Variants in MAGI2 observed in about 807,000 individuals in gnomAD.
MAGI2 encodes the protein membrane associated guanylate kinase, WW and PDZ domain containing 2.
A neutral mutation model predicts 133.3 loss-of-function variants in MAGI2; 35 were observed. That is an observed-to-expected ratio of 0.26 (90% CI 0.20 to 0.35). The LOEUF (loss-of-function observed/expected upper bound fraction) is 0.35, where lower values mean the gene tolerates loss of function less well. MAGI2 is among the 10% of genes least tolerant of loss of function. The pLI is 1.00. For missense variants in MAGI2, 1,636 were observed against 1,863.4 expected (o/e 0.88, Z 2.25); for synonymous variants, 729 against 710.6 (o/e 1.03, Z -0.41).
chr7:78,604,659 A>G (rs1805607404), intron 3 of MAGI2, among the ~76,000 whole-genome samples: 1 of 152,248 alleles, frequency 6.6e-6, no homozygotes, highest in Admixed American at 6.5e-5. Flanking sequence ...TAAGTAGAAC[A>G]TAAGTTGGTT....
intron 1 of MAGI2, among the ~76,000 whole-genome samples, chr7:79,382,464 G>C (rs1204587977): frequency 1.3e-5 from 2 of 151,470 alleles, no homozygotes; most frequent in African/African-American, 4.8e-5. Context: ...TACCCAACTT[G>C]GGGTTAAGCC....
intron 21 of MAGI2, chr7:78,073,051 T>C: frequency 2.5e-6 from 1 of 397,988 alleles, no homozygotes. Flanking sequence ...TGCTCTAATA[T>C]AATTGTTGTA....
rs115983004 is a variant in MAGI2, at chr7:78,816,014, T to C, written c.419-188775A>G. On this transcript the variant is annotated intron_variant, in intron 2 of 21. Coordinates refer to ENST00000354212, the MANE Select transcript of MAGI2 (RefSeq NM_012301.4). ...CTGCAGGCTTCTTGCACCACATAGT[T>C]AGCCAAGTTGTGAATGCAAAGGAAA... Among the ~76,000 whole-genome samples the C allele has an allele frequency of 3.0e-3, 457 of 152,286 alleles. 2 individuals carry two copies. Among genetic ancestry groups the C allele is most frequent in the African/African-American group, 0.01 (433 of 41,562 alleles).
chr7:78,653,462 G>A (rs1259190597), intron 2 of MAGI2, among the ~76,000 whole-genome samples: 1 of 152,126 alleles, frequency 6.6e-6, no homozygotes, highest in South Asian at 2.1e-4. Context: ...ACATAGAAAA[G>A]GATGAGTTCA....
At chr7:78,734,989 A>G (rs1372992426) in intron 2 of MAGI2, among the ~76,000 whole-genome samples, 1 of 152,124 alleles carries the variant, frequency 6.6e-6, no homozygotes. Flanking sequence ...CTGATACATA[A>G]CTTTTCTGTG....
chr7:78,894,828 C>T (rs535708511), intron 2 of MAGI2, among the ~76,000 whole-genome samples: 70 of 152,260 alleles, frequency 4.6e-4, no homozygotes, highest in Non-Finnish European at 4.4e-5. Flanking sequence ...TTTTTCTCTG[C>T]ATTACTGTTT....
chr7:78,187,889 T>G (rs1227396109), intron 12 of MAGI2, among the ~76,000 whole-genome samples: 3 of 152,180 alleles, frequency 2.0e-5, no homozygotes, highest in Non-Finnish European at 2.9e-5. Context: ...AATTCATGAA[T>G]ATACATTGGG....
chr7:78,633,722 A>C (rs1027019863), intron 2 of MAGI2, among the ~76,000 whole-genome samples: 8 of 151,768 alleles, frequency 5.3e-5, no homozygotes, highest in Non-Finnish European at 1.2e-4. Flanking sequence ...AAAAAAAAAA[A>C]AAAAGTGAGA....
intron 1 of MAGI2, among the ~76,000 whole-genome samples, chr7:79,150,046 G>T (rs1327966178): frequency 6.6e-6 from 1 of 152,108 alleles, no homozygotes; most frequent in Non-Finnish European, 1.5e-5. Context: ...ATGAGCTGAA[G>T]TTAACTAGCC....
intron 3 of MAGI2, among the ~76,000 whole-genome samples, chr7:78,550,310 G>C (rs899890828): frequency 6.6e-6 from 1 of 152,020 alleles, no homozygotes; most frequent in Non-Finnish European, 1.5e-5. Context: ...TTTTATAAGA[G>C]AATCAATCCT....
Position 78,224,328 on chromosome 7 carries a change from C to T in MAGI2, c.2048-23135G>A, listed in dbSNP as rs1038232280. 6.6e-5 allele frequency among the ~76,000 whole-genome samples: 10 copies of T among 152,286 alleles called. No individual in the cohort carries two copies. The South Asian group carries it at 1.9e-3, about 28-fold the overall frequency. On this transcript the variant is annotated intron_variant, in intron 10 of 21. Transcript: ENST00000354212. ...TTGTGTGGGAAAAAAGCTCTCCACTCGTTAGTCTTCGTACTCACTTAGTTT... is the reference window on the plus strand; with the variant it reads ...TTGTGTGGGAAAAAAGCTCTCCACTTGTTAGTCTTCGTACTCACTTAGTTT...
chr7:78,322,950 T>C (rs1425976820), intron 9 of MAGI2, among the ~76,000 whole-genome samples: 1 of 151,968 alleles, frequency 6.6e-6, no homozygotes, highest in Non-Finnish European at 1.5e-5. Context: ...CTTGTTATCT[T>C]ATAACTGACT....
intron 2 of MAGI2, among the ~76,000 whole-genome samples, chr7:78,894,119 T>C (rs1375683376): frequency 2.0e-5 from 3 of 152,158 alleles, no homozygotes; most frequent in Non-Finnish European, 4.4e-5. Context: ...CTGTTATTCT[T>C]GGCCGGGCGC....
chr7:78,430,322 T>A (rs1418782218), intron 6 of MAGI2, among the ~76,000 whole-genome samples: 1 of 147,864 alleles, frequency 6.8e-6, no homozygotes, highest in African/African-American at 2.5e-5. Flanking sequence ...AAAGCCTGCA[T>A]GTAAATATGC....
At chr7:78,184,136 G>A (rs1394340251) in intron 13 of MAGI2, among the ~76,000 whole-genome samples, 4 of 152,074 alleles carry the variant, frequency 2.6e-5, no homozygotes, top group Non-Finnish European at 4.4e-5. Flanking sequence ...TTCAGAATCT[G>A]AGATTTTTAA....
chr7:78,298,075 G>C (rs576043110), intron 9 of MAGI2, among the ~76,000 whole-genome samples: 126 of 152,040 alleles, frequency 8.3e-4, no homozygotes, highest in Non-Finnish European at 1.5e-3. Flanking sequence ...ATGATGTGAT[G>C]AGAATGCCAT....
intron 9 of MAGI2, among the ~76,000 whole-genome samples, chr7:78,302,983 C>G (rs1355473676): frequency 6.6e-6 from 1 of 152,152 alleles, no homozygotes; most frequent in African/African-American, 2.4e-5. Flanking sequence ...AAGATAGAAA[C>G]AACCCTAACT....
intron 1 of MAGI2, among the ~76,000 whole-genome samples, chr7:79,404,867 G>A (rs967596190): frequency 5.9e-5 from 9 of 152,062 alleles, no homozygotes; most frequent in African/African-American, 1.2e-4. Flanking sequence ...TAAGGGGAAC[G>A]TTCTTACCCA....
At chr7:78,412,882 C>CAAAAATTTATA (rs1797989515) in intron 6 of MAGI2, among the ~76,000 whole-genome samples, 1 of 152,060 alleles carries the variant, frequency 6.6e-6, no homozygotes, top group Non-Finnish European at 1.5e-5. Context: ...TTATAAATTT[C>CAAAAATTTATA]CAATTTTTGA....
Sources: gnomAD v4.1 joint callset for allele counts (sites outside exome capture counted in the v4.1 genomes callset) on GRCh38, gnomAD v4.1.1 for gene constraint, MANE v1.5 for transcripts, NCBI Gene and HGNC (gene_info 2026-07-23, HGNC 2026-07-21) for gene names.